The following CCDC93 variants were observed in gnomAD, a reference collection of about 807,000 sequenced individuals.
CCDC93 encodes CCC complex scaffolding subunit CCDC93.
A neutral mutation model predicts 108.2 loss-of-function variants in CCDC93; 61 were observed. The ratio of observed to expected loss-of-function variants is 0.56; its 90% CI spans 0.46 to 0.70. The LOEUF (loss-of-function observed/expected upper bound fraction) is 0.70. Among genes scored for constraint, CCDC93 ranks in the 30% least tolerant of loss-of-function variants. The pLI, the probability that CCDC93 is intolerant of heterozygous loss-of-function variation, is 0.00. For missense variants in CCDC93, 685 were observed against 764.2 expected (o/e 0.90, Z 1.22); for synonymous variants, 276 against 260.4 (o/e 1.06, Z -0.58).
At chr2:117,925,764 A>G (rs1433937425) in intron 23 of CCDC93, among the ~76,000 whole-genome samples, 3 of 152,222 alleles carry the variant, frequency 2.0e-5, no homozygotes, top group Non-Finnish European at 2.9e-5. Flanking sequence ...TGCACCAAGC[A>G]GACCTAATAG....
chr2:117,997,275 G>A (rs1007411517), intron 4 of CCDC93: 1 of 152,220 alleles, frequency 6.6e-6, no homozygotes, highest in African/African-American at 2.4e-5. Context: ...ACCTGCAGAA[G>A]ATCCACCCGC....
intron 23 of CCDC93, among the ~76,000 whole-genome samples, chr2:117,920,896 T>C (rs1056735552): frequency 6.6e-6 from 1 of 152,078 alleles, no homozygotes. Context: ...CATCAAGAGA[T>C]AATGGGGCCG....
chr2:117,955,703 A>G (rs1196010867), intron 12 of CCDC93, among the ~76,000 whole-genome samples: 1 of 152,194 alleles, frequency 6.6e-6, no homozygotes, highest in Non-Finnish European at 1.5e-5. Flanking sequence ...TGTGAACTGA[A>G]TGAGTTAATT....
At chr2:118,011,437 G>A (rs372110102) in intron 1 of CCDC93, among the ~76,000 whole-genome samples, 31 of 152,146 alleles carry the variant, frequency 2.0e-4, no homozygotes, top group African/African-American at 7.2e-4. Context: ...ATTTTCTTAA[G>A]TAATATAAAT....
In CCDC93 at chr2:117,927,331, TC is replaced by T. The variant is rs529637735; in HGVS notation, c.1842+3705del. Among the ~76,000 whole-genome samples the T allele has an allele frequency of 5.5e-4, 84 of 152,256 alleles. 1 individual carries two copies. Among genetic ancestry groups the T allele is most frequent in the African/African-American group, 1.9e-3 (79 of 41,556 alleles). ...ATTAGGAAAAGAAGAAGTCAAATTGTCCCTGTTTGGAGATGACATGATTGTA... is the reference window on the plus strand; with the variant it reads ...ATTAGGAAAAGAAGAAGTCAAATTGTCCTGTTTGGAGATGACATGATTGTA... On this transcript the variant is annotated intron_variant, in intron 23 of 23. Transcript: ENST00000376300.
intron 7 of CCDC93, among the ~76,000 whole-genome samples, chr2:117,983,089 C>T (rs917085278): frequency 1.3e-5 from 2 of 152,178 alleles, no homozygotes; most frequent in African/African-American, 4.8e-5. Context: ...GTCTTCCATC[C>T]ACTCCCTGAA....
intron 2 of CCDC93, among the ~76,000 whole-genome samples, chr2:118,007,914 T>C (rs1202283829): frequency 6.6e-6 from 1 of 152,228 alleles, no homozygotes. Flanking sequence ...CCTGTGTGAT[T>C]TGAATGCGTC....
At chr2:117,960,011 C>T (rs76000175) in intron 11 of CCDC93, among the ~76,000 whole-genome samples, 2,009 of 152,282 alleles carry the variant, frequency 0.013, 47 homozygotes, top group African/African-American at 0.044. Context: ...TTAACTACAT[C>T]TCCTCTACTT....
intron 12 of CCDC93, among the ~76,000 whole-genome samples, chr2:117,953,782 T>A (rs1266021513): frequency 1.3e-5 from 2 of 150,710 alleles, no homozygotes; most frequent in Non-Finnish European, 1.5e-5. Context: ...TGGTCCCGAC[T>A]ATGTGGAAGG....
chr2:117,957,033 A>G (rs1402767604), intron 12 of CCDC93, among the ~76,000 whole-genome samples: 1 of 151,848 alleles, frequency 6.6e-6, no homozygotes, highest in African/African-American at 2.4e-5. Flanking sequence ...TGGGATTACA[A>G]GCAGGCGCCA....
chr2:117,958,217 T>C, intron 12 of CCDC93, 148 bp downstream of exon 12: 1 of 595,838 alleles, frequency 1.7e-6, no homozygotes, highest in South Asian at 2.1e-5. Context: ...CAAATGGATG[T>C]GTTATGTTGT....
intron 1 of CCDC93, among the ~76,000 whole-genome samples, chr2:118,010,821 T>C (rs1677003543): frequency 6.6e-6 from 1 of 152,238 alleles, no homozygotes; most frequent in African/African-American, 2.4e-5. Context: ...CTATATTCTC[T>C]AACCACTGAG....
chr2:118,008,951 G>T, intron 1 of CCDC93: 1 of 275,548 alleles, frequency 3.6e-6, no homozygotes, highest in Non-Finnish European at 6.8e-6. Context: ...CAGGGAAAAG[G>T]AAGGTTAGAG....
chr2:117,928,093 C>T (rs1490835608), intron 23 of CCDC93, among the ~76,000 whole-genome samples: 1 of 152,142 alleles, frequency 6.6e-6, no homozygotes, highest in Non-Finnish European at 1.5e-5. Flanking sequence ...TTCGTTACAC[C>T]TTATACAAAA....
At chr2:117,952,833 C>T (rs1473041406) in intron 12 of CCDC93, among the ~76,000 whole-genome samples, 1 of 152,142 alleles carries the variant, frequency 6.6e-6, no homozygotes. Flanking sequence ...ATGCAGTTAA[C>T]CCACTTGCCT....
At chr2:117,977,850 G>A (rs549844746) in intron 8 of CCDC93, 144 bp downstream of exon 8, 3 of 689,536 alleles carry the variant, frequency 4.4e-6, no homozygotes, top group African/African-American at 1.8e-5. Flanking sequence ...GAAAAGCCAG[G>A]ACGGAGATGC....
chr2:117,928,700 G>A (rs1678213494), intron 23 of CCDC93, among the ~76,000 whole-genome samples: 2 of 152,132 alleles, frequency 1.3e-5, no homozygotes, highest in Non-Finnish European at 2.9e-5. Context: ...AAGTCAGTGT[G>A]GCGATTCCTC....
At chr2:118,006,394 T>C (rs1170953531) in intron 3 of CCDC93, among the ~76,000 whole-genome samples, 2 of 152,208 alleles carry the variant, frequency 1.3e-5, no homozygotes, top group Admixed American at 6.5e-5. Context: ...GAGACCATGC[T>C]GCTTTCTCTC....
intron 3 of CCDC93, among the ~76,000 whole-genome samples, chr2:118,002,967 G>A (rs1444913768): frequency 2.6e-5 from 4 of 152,204 alleles, no homozygotes; most frequent in South Asian, 2.1e-4. Flanking sequence ...AAGCCTAGGC[G>A]TTTGAGGCTG....
Sources: gnomAD v4.1 joint callset for allele counts (sites outside exome capture counted in the v4.1 genomes callset) on GRCh38, gnomAD v4.1.1 for gene constraint, MANE v1.5 for transcripts, NCBI Gene and HGNC (gene_info 2026-07-23, HGNC 2026-07-21) for gene names.